TNKS1BP1: variants seen among roughly 807,000 people sequenced by gnomAD.
TNKS1BP1 encodes the protein 182 kDa tankyrase-1-binding protein.
In TNKS1BP1, 48 loss-of-function variants were observed where a neutral mutation model predicts 141.1. The ratio of observed to expected loss-of-function variants is 0.34; its 90% CI spans 0.27 to 0.43. The LOEUF is 0.43. Ranked by LOEUF, TNKS1BP1 falls within the 20% of genes least tolerant of loss-of-function variation. The pLI is 1.00. For missense variants in TNKS1BP1, 2,149 were observed against 2,226.0 expected (o/e 0.97, Z 0.70); for synonymous variants, 875 against 898.2 (o/e 0.97, Z 0.46).
At position 57,309,709 on chromosome 11, in the gene TNKS1BP1, T is replaced by C; in HGVS notation, c.3002A>G (p.Lys1001Arg). The change falls in exon 6 of 12, where the codon AAG becomes AGG. Residue 1001 changes from lysine (K) to arginine (R), a missense_variant. By Grantham distance (26) the Lys-to-Arg change is conservative. Transcript: ENST00000358252. The surrounding 1 kb of genome is among the most constrained non-coding windows in gnomAD (Gnocchi z 4.3). The stretch of plus-strand genomic sequence containing the variant: ...AAGGCTGTCTTCCACACTTGGAATC[T>C]TCTTCTCAAATTCCTCATCCTGTTG... ...AQQQDEEFEK[K>R]IPSVEDSLGE... 1 of 1,613,926 alleles carries C rather than the reference T, an allele frequency of 6.2e-7. No homozygotes were observed. Among genetic ancestry groups the C allele is most frequent in the Non-Finnish European group, 8.5e-7 (1 of 1,179,984 alleles).
At position 57,321,781 on chromosome 11, in the gene TNKS1BP1, C is replaced by A. The variant is rs777001437; in HGVS notation, c.94+11G>T. 3.7e-6 allele frequency: 6 copies of A among 1,613,124 alleles called. No homozygotes were observed. Among genetic ancestry groups the A allele is most frequent in the Non-Finnish European group, 5.1e-6 (6 of 1,179,424 alleles). On this transcript the variant is annotated intron_variant, in intron 2 of 11. Coordinates refer to ENST00000358252, the MANE Select transcript of TNKS1BP1 (RefSeq NM_033396.3). ...CCCAGCCACCTGGCTCCACCCTGCA[C>A]CCATTGGTACCTGGCTCAGAGCCAG...
rs768852853 is a variant in TNKS1BP1 at position 57,301,019 on chromosome 11, C to T, written c.4994G>A (p.Arg1665His). The stretch of plus-strand genomic sequence containing the variant: ...AGCCAGCTCTCCCTCCTCAGCTGAG[C>T]GATTCCGGGGGCGCAGCTTGGCCTG... ...ALKAKLRPRN[R>H]SAEEGELAES... Residue 1665 changes from arginine to histidine, a missense_variant, in exon 10 of 12, where the codon CGC becomes CAC. By Grantham distance (29) the Arg-to-His change is conservative. Coordinates refer to ENST00000358252, the MANE Select transcript of TNKS1BP1 (RefSeq NM_033396.3). 1.2e-5 allele frequency: 19 copies of T among 1,613,040 alleles called. No individual in the cohort carries two copies. In the South Asian group the frequency reaches 1.2e-4, roughly 10 times the overall value.
Position 57,320,567 on chromosome 11 carries a change from C to T in TNKS1BP1, c.240G>A (p.Lys80=). 6.2e-7 allele frequency: 1 copy of T among 1,614,146 alleles called. No homozygotes were observed. Among genetic ancestry groups the T allele is most frequent in the East Asian group, 2.2e-5 (1 of 44,882 alleles). The part of the protein sequence containing the change: ...GPLAELPSAR[K]MNMLAGPQPY... ...GCTGGGGTCCTGCCAGCATGTTCATCTTCCTGGCAGAAGGCAACTCAGCCA... is the reference window on the plus strand; with the variant it reads ...GCTGGGGTCCTGCCAGCATGTTCATTTTCCTGGCAGAAGGCAACTCAGCCA... The change falls in exon 3 of 12, where the codon AAG becomes AAA. Residue 80 remains lysine, a synonymous_variant. Transcript: ENST00000358252.
At position 57,302,510 on chromosome 11, in the gene TNKS1BP1, G is replaced by C. The variant is rs1356097515; in HGVS notation, c.4632C>G (p.Pro1544=). Reference sequence around the variant, plus strand: ...GGGATCTGGCAGGAGGGCCTTGGGAGGGTCGCCGAGAAGTCTGTGCTGGCC... The same window carrying C: ...GGGATCTGGCAGGAGGGCCTTGGGACGGTCGCCGAGAAGTCTGTGCTGGCC... ...DQGPAQTSRR[P]SQGPPARSPS... is the part of the protein sequence containing the mutation. Residue 1544 remains proline, a synonymous_variant, in exon 7 of 12, where the codon CCC becomes CCG. Transcript: ENST00000358252. This position sits in a 1 kb window ranked among gnomAD's most constrained non-coding sequence, Gnocchi z 5.5. 6.2e-7 allele frequency: 1 copy of C among 1,611,140 alleles called. No homozygotes were observed. The highest frequency in any genetic ancestry group is 8.5e-7 in the Non-Finnish European group (1 of 1,178,456).
rs759410998 is a variant in TNKS1BP1 at position 57,321,904 on chromosome 11, C to G, written c.-19G>C. 11 of 1,613,678 alleles carry G rather than the reference C, an allele frequency of 6.8e-6. No homozygotes were observed. The highest frequency in any genetic ancestry group is 9.3e-6 in the Non-Finnish European group (11 of 1,179,746). On this transcript the variant is annotated 5_prime_UTR_variant, in exon 2 of 12. Coordinates refer to ENST00000358252, the MANE Select transcript of TNKS1BP1 (RefSeq NM_033396.3). ...CTTTCATCACATGCGGCAGACCCTCCTTGAGAGCGGGGAGGCAGAGAGGTA... is the reference window on the plus strand; with the variant it reads ...CTTTCATCACATGCGGCAGACCCTCGTTGAGAGCGGGGAGGCAGAGAGGTA...
chr11:57,300,621 G>A (rs1217642855), intron 10 of TNKS1BP1, 21 bp from the exon 11 acceptor site: 1 of 1,614,010 alleles, frequency 6.2e-7, no homozygotes, highest in Non-Finnish European at 8.5e-7. Context: ...GACGGCAAAG[G>A]TCCAGAATGC....
rs370817180 is a variant in TNKS1BP1 at position 57,320,523 on chromosome 11, C to A, written c.284G>T (p.Arg95Leu). 6.2e-7 allele frequency: 1 copy of A among 1,613,298 alleles called. No homozygotes were observed. Residue 95 changes from arginine to leucine, a missense_variant, in exon 3 of 12, where the codon CGC becomes CTC. Coordinates refer to ENST00000358252, the MANE Select transcript of TNKS1BP1 (RefSeq NM_033396.3). ...AGGCCTTGGTGCAAAGGGAAGGGGG[C>A]GCTTGCTGCCACCATAGGGCTGGGG... The part of the protein sequence containing the change: ...AGPQPYGGSK[R>L]PLPFAPRPAV...
At chr11:57,310,662 T>G in intron 5 of TNKS1BP1, 106 bp from the exon 6 acceptor site, 1 of 1,435,110 alleles carries the variant, frequency 7.0e-7, no homozygotes, top group East Asian at 2.3e-5. Context: ...AAGCCCCACT[T>G]TGGCAACAGA....
At position 57,308,603 on chromosome 11, in the gene TNKS1BP1, C is replaced by A. The variant is rs371257450; in HGVS notation, c.4108G>T (p.Val1370Leu). Residue 1370 changes from valine (V) to leucine (L), a missense_variant, in exon 6 of 12, where the codon GTG becomes TTG. Physicochemically the swap from Val to Leu is conservative, Grantham distance 32. Coordinates refer to ENST00000358252, the MANE Select transcript of TNKS1BP1 (RefSeq NM_033396.3). ...SEAREHGVGG[V>L]SQCPEPGLRH... is the part of the protein sequence containing the mutation. ...AGGCCGGGCTCTGGGCACTGGCTCA[C>A]CCCGCCCACCCCATGCTCCCTGGCT... 6.2e-7 allele frequency: 1 copy of A among 1,613,900 alleles called. No individual in the cohort carries two copies. Among genetic ancestry groups the A allele is most frequent in the Non-Finnish European group, 8.5e-7 (1 of 1,179,968 alleles).
chr11:57,309,962 T>C lies in TNKS1BP1; in HGVS notation c.2749A>G (p.Arg917Gly). 4 of 1,614,114 alleles carry C rather than the reference T, an allele frequency of 2.5e-6. No homozygotes were observed. Among genetic ancestry groups the C allele is most frequent in the Non-Finnish European group, 3.4e-6 (4 of 1,179,948 alleles). Residue 917 changes from arginine (R) to glycine (G), a missense_variant, in exon 6 of 12, where the codon AGG becomes GGG. Transcript: ENST00000358252. This position sits in a 1 kb window ranked among gnomAD's most constrained non-coding sequence, Gnocchi z 4.3. Reference protein sequence around the residue: ...QDLGKRDHHGRYSSQDADEQD... With the variant: ...QDLGKRDHHGGYSSQDADEQD... ...TCATCGGCATCCTGGCTGCTGTACC[T>C]ACCATGGTGGTCCCTCTTCCCCAAA...
At chr11:57,322,400 C>A in intron 1 of TNKS1BP1, 2 of 804,228 alleles carry the variant, frequency 2.5e-6, no homozygotes, top group Non-Finnish European at 1.5e-6. Flanking sequence ...CCTGCCTCCC[C>A]CTTCCCACTC....
intron 5 of TNKS1BP1, 134 bp downstream of exon 5, chr11:57,312,400 G>T (rs1855726309): frequency 1.0e-6 from 1 of 963,320 alleles, no homozygotes; most frequent in Non-Finnish European, 1.4e-6. Flanking sequence ...GCTACAATCT[G>T]CAGGTCCACA....
In TNKS1BP1 at chr11:57,313,409, G is replaced by T; in HGVS notation, c.1279C>A (p.Arg427=). 6.2e-7 allele frequency: 1 copy of T among 1,611,742 alleles called. No individual in the cohort carries two copies. The highest frequency in any genetic ancestry group is 1.3e-5 in the African/African-American group (1 of 75,030). The change falls in exon 5 of 12, where the codon CGA becomes AGA. Residue 427 remains arginine, a synonymous_variant. Transcript: ENST00000358252. ...GACTGGAGCACACCTTCAGAGAATC[G>T]GCGCTGAACCAGGCTGGTGGGGCGG... ...HLRPTSLVQR[R]FSEGVLQSPS... is the part of the protein sequence containing the mutation.
At chr11:57,314,492 G>A (rs1855768574) in intron 4 of TNKS1BP1, among the ~76,000 whole-genome samples, 2 of 152,196 alleles carry the variant, frequency 1.3e-5, no homozygotes, top group African/African-American at 4.8e-5. Context: ...TCCCAGCACT[G>A]CCTCTTACCA....
intron 10 of TNKS1BP1, 123 bp downstream of exon 10, chr11:57,300,760 TG>T: frequency 6.7e-7 from 1 of 1,499,170 alleles, no homozygotes; most frequent in Non-Finnish European, 9.1e-7. Flanking sequence ...ACCGTTCATC[TG>T]GGGCATGTCC....
chr11:57,315,959 A>G (rs1855793124), intron 4 of TNKS1BP1, among the ~76,000 whole-genome samples: 1 of 152,036 alleles, frequency 6.6e-6, no homozygotes, highest in South Asian at 2.1e-4. Flanking sequence ...AAGCCAAAAA[A>G]GCAAACCAAA....
intron 4 of TNKS1BP1, 107 bp downstream of exon 4, chr11:57,317,711 G>A: frequency 8.4e-7 from 1 of 1,184,688 alleles, no homozygotes; most frequent in Non-Finnish European, 1.2e-6. Flanking sequence ...TCTCCCCATG[G>A]GCCTCAGTTT....
At chr11:57,324,547 T>C (rs1056052755) in intron 1 of TNKS1BP1, among the ~76,000 whole-genome samples, 1 of 150,902 alleles carries the variant, frequency 6.6e-6, no homozygotes, top group Non-Finnish European at 1.5e-5. Flanking sequence ...CTCCAGCGGC[T>C]CTGCCCGCCC....
chr11:57,310,664 G>A, intron 5 of TNKS1BP1, 108 bp from the exon 6 acceptor site: 1 of 1,428,564 alleles, frequency 7.0e-7, no homozygotes, highest in Non-Finnish European at 9.3e-7. Flanking sequence ...GCCCCACTTT[G>A]GCAACAGAAA....
Sources: gnomAD v4.1 joint callset for allele counts (sites outside exome capture counted in the v4.1 genomes callset) on GRCh38, gnomAD v4.1.1 for gene constraint, Gnocchi (gnomAD v3.1) non-coding constraint, MANE v1.5 for transcripts, NCBI Gene and HGNC (gene_info 2026-07-23, HGNC 2026-07-21) for gene names.